Variants in IL13RA1 observed in about 807,000 individuals in gnomAD.
The protein encoded by IL13RA1 is interleukin-13 receptor subunit alpha-1.
In IL13RA1, 14 loss-of-function variants were observed where a neutral mutation model predicts 33.8. The observed-to-expected ratio is 0.41, with a 90% CI of 0.27 to 0.65. The LOEUF (loss-of-function observed/expected upper bound fraction) is 0.65. IL13RA1 is among the 30% of genes least tolerant of loss of function. The probability of loss-of-function intolerance (pLI) is 0.28; values close to 1 mark genes in which losing one functional copy is unlikely to be tolerated. For synonymous variants in IL13RA1, 116 were observed against 115.7 expected, an observed-to-expected ratio of 1.00 and a Z score of -0.02; for missense variants, 313 against 327.0, an observed-to-expected ratio of 0.96 and a Z score of 0.33.
At chrX:118,795,331 G>A (rs1231164944), downstream of IL13RA1, among the ~76,000 whole-genome samples, 1 of 111,181 alleles carries the variant, frequency 9.0e-6, no homozygotes, top group East Asian at 2.8e-4. Flanking sequence ...TTAATGTCAT[G>A]GAGGTTTTCT....
rs539695668 is a variant in IL13RA1 at position 118,743,559 on chromosome X, C to A, written c.228+2403C>A. ...ATATCTTTCATCACTAAGAGATGGGCAAGTCCCATTAGGCAAACTAATCAA... is the reference window on the plus strand; with the variant it reads ...ATATCTTTCATCACTAAGAGATGGGAAAGTCCCATTAGGCAAACTAATCAA... On this transcript the variant is annotated intron_variant, in intron 2 of 10. Coordinates refer to ENST00000371666, the MANE Select transcript of IL13RA1 (RefSeq NM_001560.3). 3.6e-5 allele frequency among the ~76,000 whole-genome samples: 4 copies of A among 111,759 alleles called. No homozygotes were observed. In the South Asian group the frequency reaches 1.5e-3, roughly 42 times the overall value.
intron 2 of IL13RA1, among the ~76,000 whole-genome samples, chrX:118,746,202 C>T (rs1346838114): frequency 1.8e-5 from 2 of 110,891 alleles, no homozygotes; most frequent in African/African-American, 3.3e-5. Context: ...TCACTGCAGC[C>T]TCCCGCTCCC....
At position 118,741,133 on chromosome X, in the gene IL13RA1, C is replaced by A. The variant is rs376481841; in HGVS notation, c.205C>A (p.His69Asn). Residue 69 changes from histidine to asparagine, a missense_variant, in exon 2 of 11, where the codon CAT (histidine) becomes AAT (asparagine). Physicochemically the swap from His to Asn is moderately conservative, Grantham distance 68. Transcript: ENST00000371666. Reference sequence around the variant, plus strand: ...AAATTGTAGTCTATGGTATTTTAGTCATTTTGGCGACAAACAAGATAAGGT... The same window carrying A: ...AAATTGTAGTCTATGGTATTTTAGTAATTTTGGCGACAAACAAGATAAGGT... ...SSNCSLWYFS[H>N]FGDKQDKKIA... is the part of the protein sequence containing the mutation. 6.9e-6 allele frequency: 8 copies of A among 1,165,091 alleles called. No individual in the cohort carries two copies. In the Admixed American group the frequency reaches 1.8e-4, roughly 26 times the overall value.
rs761115341 is a variant in IL13RA1, at chrX:118,758,211, A to G, written c.645A>G (p.Pro215=). The G allele has an allele frequency of 2.7e-6, 3 of 1,101,634 alleles. No individual in the cohort carries two copies. The highest frequency in any genetic ancestry group is 2.1e-5 in the South Asian group (1 of 48,141). The allele number at this position is 1,101,634 out of a possible 1,213,427, so 90.8% of individuals were successfully genotyped here. A position where few individuals can be genotyped will look rare whatever the true frequency, so the allele number is the denominator to read the frequency against. The change falls in exon 5 of 11, where the codon CCA becomes CCG. Residue 215 remains proline, a synonymous_variant. Coordinates refer to ENST00000371666, the MANE Select transcript of IL13RA1 (RefSeq NM_001560.3). The part of the protein sequence containing the change: ...MVKDNAGKIK[P]SFNIVPLTSR... ...AGGATAATGCAGGAAAAATTAAACC[A>G]TCCTTCAATATAGTGCCTTTAACTT...
chrX:118,778,608 G>A (rs2017810761), intron 10 of IL13RA1, among the ~76,000 whole-genome samples: 3 of 111,210 alleles, frequency 2.7e-5, no homozygotes, highest in Admixed American at 1.9e-4. Flanking sequence ...GATGATCCCT[G>A]TCCTGCTAAG....
chrX:118,729,812 C>T (rs980079994), intron 1 of IL13RA1, among the ~76,000 whole-genome samples: 1 of 111,975 alleles, frequency 8.9e-6, no homozygotes, highest in Non-Finnish European at 1.9e-5. Flanking sequence ...TGCCCAAATT[C>T]GCATACCTGG....
At position 118,791,865 on chromosome X, in the gene IL13RA1, T is replaced by C. The variant is rs958635233; in HGVS notation, c.*11T>C. On this transcript the variant is annotated 3_prime_UTR_variant, in exon 11 of 11. Coordinates refer to ENST00000371666, the MANE Select transcript of IL13RA1 (RefSeq NM_001560.3). ...AAAGCCTCTCAGTGATGGAGATAAT[T>C]TATTTTTACCTTCACTGTGACCTTG... is the stretch of plus-strand genomic sequence containing the variant. 1 of 737,718 alleles carries C rather than the reference T, an allele frequency of 1.4e-6. No individual in the cohort carries two copies. Among genetic ancestry groups the C allele is most frequent in the Admixed American group, 2.5e-5 (1 of 40,801 alleles). 60.8% of individuals were successfully genotyped at this position (737,718 alleles called of 1,213,427 possible). A position where few individuals can be genotyped will look rare whatever the true frequency, so the allele number is the denominator to read the frequency against.
intron 1 of IL13RA1, chrX:118,738,062 G>A (rs745951146): frequency 8.9e-6 from 1 of 111,987 alleles, no homozygotes; most frequent in Non-Finnish European, 1.9e-5. Context: ...CTTTAGCACT[G>A]TTGCCTGAGC....
intron 6 of IL13RA1, among the ~76,000 whole-genome samples, chrX:118,765,583 C>A (rs1035519325): frequency 8.9e-6 from 1 of 112,031 alleles, no homozygotes; most frequent in African/African-American, 3.2e-5. Context: ...GGATAGTTTC[C>A]CATTTGGTTT....
intron 1 of IL13RA1, among the ~76,000 whole-genome samples, chrX:118,734,650 A>G (rs2017261197): frequency 8.9e-6 from 1 of 112,257 alleles, no homozygotes; most frequent in Non-Finnish European, 1.9e-5. Flanking sequence ...ACATCTTTGT[A>G]TTCCAGGAAT....
chrX:118,780,239 T>C (rs1432082598), intron 10 of IL13RA1, among the ~76,000 whole-genome samples: 1 of 112,761 alleles, frequency 8.9e-6, no homozygotes, highest in Non-Finnish European at 1.9e-5. Flanking sequence ...GCATACTCTT[T>C]TACTTCTAGC....
intron 10 of IL13RA1, among the ~76,000 whole-genome samples, chrX:118,786,153 G>A (rs1439498937): frequency 9.1e-6 from 1 of 110,104 alleles, no homozygotes; most frequent in Non-Finnish European, 1.9e-5. Flanking sequence ...CACTTTGGGA[G>A]GCTGAGGCAG....
chrX:118,757,715 G>T (rs2017548173), intron 4 of IL13RA1, among the ~76,000 whole-genome samples: 1 of 70,726 alleles, frequency 1.4e-5, no homozygotes, highest in Non-Finnish European at 2.5e-5. Flanking sequence ...TTTTGTGGAA[G>T]GGTCTTACTC....
chrX:118,784,102 T>C (rs2017880854), intron 10 of IL13RA1, among the ~76,000 whole-genome samples: 1 of 57,323 alleles, frequency 1.7e-5, no homozygotes, highest in East Asian at 8.2e-4. Context: ...TATATATATA[T>C]ATATATACGT....
At chrX:118,766,161 G>T (rs2017646041) in intron 6 of IL13RA1, among the ~76,000 whole-genome samples, 1 of 111,525 alleles carries the variant, frequency 9.0e-6, no homozygotes, top group South Asian at 3.7e-4. Flanking sequence ...AATATGGGAG[G>T]TTTTTTTGGT....
chrX:118,741,271 G>T (rs1401751259), intron 2 of IL13RA1, 115 bp downstream of exon 2: 16 of 506,381 alleles, frequency 3.2e-5, no homozygotes, highest in Non-Finnish European at 4.2e-5. Flanking sequence ...TTTAGGGTGT[G>T]TTTAAATTTC....
chrX:118,799,883 ACT>A, the IL13RA1 span, among the ~76,000 whole-genome samples: 1 of 77,388 alleles, frequency 1.3e-5, no homozygotes, highest in Non-Finnish European at 2.5e-5. Context: ...ACCAATCGAC[ACT>A]CTGTATCTAG....
chrX:118,743,436 AAAGAT>A (rs1178018492), intron 2 of IL13RA1, among the ~76,000 whole-genome samples: 1 of 111,690 alleles, frequency 9.0e-6, no homozygotes, highest in Non-Finnish European at 1.9e-5. Flanking sequence ...TTGGAAAAGA[AAAGAT>A]TAGTGTAAAT....
downstream of IL13RA1, among the ~76,000 whole-genome samples, chrX:118,799,220 T>G (rs926562784): frequency 8.8e-5 from 10 of 113,094 alleles, no homozygotes; most frequent in African/African-American, 2.6e-4. Context: ...CCTGCAGCCC[T>G]CCATGCCTGA....
Sources: gnomAD v4.1 joint callset for allele counts (sites outside exome capture counted in the v4.1 genomes callset) on GRCh38, gnomAD v4.1.1 for gene constraint, MANE v1.5 for transcripts, NCBI Gene and HGNC (gene_info 2026-07-23, HGNC 2026-07-21) for gene names.